CYP2A6: variants seen among roughly 807,000 people sequenced by gnomAD.
CYP2A6 encodes the protein cytochrome P450 2A6.
In CYP2A6, 27 loss-of-function variants were observed where a neutral mutation model predicts 42.3. That is an observed-to-expected ratio of 0.64 (90% CI 0.47 to 0.88). The LOEUF is 0.88. CYP2A6 is among the 40% of genes least tolerant of loss of function. The pLI is 0.00. For synonymous variants in CYP2A6, 238 were observed against 246.3 expected, an observed-to-expected ratio of 0.97 and a Z score of 0.31; for missense variants, 628 against 646.0, an observed-to-expected ratio of 0.97 and a Z score of 0.30.
intron 2 of CYP2A6, among the ~76,000 whole-genome samples, 178 bp downstream of exon 2, chr19:40,849,640 G>A (rs200286291): frequency 2.6e-5 from 4 of 151,382 alleles, no homozygotes; most frequent in African/African-American, 7.3e-5. Context: ...GGACAGGGAC[G>A]CTGGAGACAG....
At position 40,843,601 on chromosome 19, in the gene CYP2A6, C is replaced by T; in HGVS notation, c.*195G>A. 2.0e-6 allele frequency: 2 copies of T among 984,886 alleles called. No individual in the cohort carries two copies. The highest frequency in any genetic ancestry group is 2.9e-6 in the Non-Finnish European group (2 of 690,336). The allele number at this position is 984,886 out of a possible 1,614,324, so 61.0% of individuals were successfully genotyped here. A position where few individuals can be genotyped will look rare whatever the true frequency, so the allele number is the denominator to read the frequency against. On this transcript the variant is annotated 3_prime_UTR_variant, in exon 9 of 9. Coordinates refer to ENST00000301141, the MANE Select transcript of CYP2A6 (RefSeq NM_000762.6). ...ATAGCATAATGTAAGGGTTTCCTTC[C>T]TCTCATCCCAGCTCGGAAGCACCTT...
rs769939353 is a variant in CYP2A6 at position 40,845,941 on chromosome 19, C to G, written c.973+15G>C. 7 of 1,608,180 alleles carry G rather than the reference C, an allele frequency of 4.4e-6. No individual in the cohort carries two copies. The highest frequency in any genetic ancestry group is 5.9e-6 in the Non-Finnish European group (7 of 1,178,692). On this transcript the variant is annotated intron_variant, in intron 6 of 8. Coordinates refer to ENST00000301141, the MANE Select transcript of CYP2A6 (RefSeq NM_000762.6). ...GGGTCTGGGGCCCTCCACTTCCGTCCCCCTCCAGCCTTACCCTCCACCTCT... is the reference window on the plus strand; with the variant it reads ...GGGTCTGGGGCCCTCCACTTCCGTCGCCCTCCAGCCTTACCCTCCACCTCT...
intron 5 of CYP2A6, 112 bp from the exon 6 acceptor site, chr19:40,846,209 G>A (rs1270014352): frequency 1.4e-6 from 2 of 1,459,706 alleles, no homozygotes; most frequent in East Asian, 2.6e-5. Context: ...GTGGAAAGAG[G>A]GACCCTAGAT....
At chr19:40,846,253 C>G (rs1016561422) in intron 5 of CYP2A6, among the ~76,000 whole-genome samples, 156 bp from the exon 6 acceptor site, 2 of 151,620 alleles carry the variant, frequency 1.3e-5, no homozygotes, top group Admixed American at 1.3e-4. Context: ...AGCCCTTGCC[C>G]TGGCTGCTGG....
intron 2 of CYP2A6, among the ~76,000 whole-genome samples, chr19:40,849,045 G>GGAGAGAGAGAGAGAGAGA (rs1164660108): frequency 8.3e-5 from 2 of 24,238 alleles, no homozygotes; most frequent in Non-Finnish European, 1.4e-4. Context: ...AAGAGAGAGA[G>GGAGAGAGAGAGAGAGAGA]GAGAGAGAGA....
Position 40,847,773 on chromosome 19 carries a change from G to A in CYP2A6, c.654+446C>T, listed in dbSNP as rs1220869702. 2.6e-5 allele frequency among the ~76,000 whole-genome samples: 4 copies of A among 151,848 alleles called. No homozygotes were observed. In the East Asian group the frequency reaches 8.0e-4, roughly 30 times the overall value. ...GCCAGATATTCCAGTGGGCTAATCT[G>A]GGACATTTGTGTAGATGTGAAATGA... On this transcript the variant is annotated intron_variant, in intron 4 of 8. Transcript: ENST00000301141.
At position 40,848,759 on chromosome 19, in the gene CYP2A6, C is replaced by A. The variant is rs1296784901; in HGVS notation, c.348G>T (p.Val116=). 6.2e-7 allele frequency: 1 copy of A among 1,611,030 alleles called. No homozygotes were observed. The highest frequency in any genetic ancestry group is 8.5e-7 in the Non-Finnish European group (1 of 1,179,728). Residue 116 remains valine (V), a synonymous_variant, in exon 3 of 9, where the codon GTG becomes GTT. Transcript: ENST00000301141. The stretch of plus-strand genomic sequence containing the variant: ...TGGCGCGCTCCCCGTTGCTGAATAC[C>A]ACGCCTGGGGAGGTGAACGCGGGAA... ...TFDWVFKGYG[V]VFSNGERAKQ... is the part of the protein sequence containing the mutation.
At position 40,843,762 on chromosome 19, in the gene CYP2A6, C is replaced by T. The variant is rs1235904465; in HGVS notation, c.*34G>A. 1.3e-6 allele frequency: 2 copies of T among 1,535,574 alleles called. No homozygotes were observed. The highest frequency in any genetic ancestry group is 2.9e-5 in the East Asian group (1 of 34,614). ...TCTTGGCCCTGCCCTTTCCCTGGCC[C>T]CGCCCACCAGACCTGCACCGGCACA... On this transcript the variant is annotated 3_prime_UTR_variant, in exon 9 of 9. Coordinates refer to ENST00000301141, the MANE Select transcript of CYP2A6 (RefSeq NM_000762.6).
rs772772650 is a variant in CYP2A6, at chr19:40,848,635, C to T, written c.472G>A (p.Asp158Asn). ...RIQEEAGFLI[D>N]ALRGTGGANI... ...TCACCGCCAGTGCCCCGGAGGGCGT[C>T]GATGAGGAAGCCCGCCTCCTCCTGG... is the stretch of plus-strand genomic sequence containing the variant. The change falls in exon 3 of 9, where the codon GAC becomes AAC. Residue 158 changes from aspartate (D) to asparagine (N), a missense_variant. By Grantham distance (23) the Asp-to-Asn change is conservative. Transcript: ENST00000301141. The T allele has an allele frequency of 1.4e-5, 22 of 1,611,704 alleles. No homozygotes were observed. Among genetic ancestry groups the T allele is most frequent in the South Asian group, 8.8e-5 (8 of 90,920 alleles).
At chr19:40,847,933 G>A (rs55995653) in intron 4 of CYP2A6, among the ~76,000 whole-genome samples, 12 of 151,856 alleles carry the variant, frequency 7.9e-5, no homozygotes, top group East Asian at 2.0e-4. Context: ...GGTAAGTTGG[G>A]GATGGGAACA....
intron 2 of CYP2A6, among the ~76,000 whole-genome samples, chr19:40,849,024 G>GAGAGAGAC (rs1967166344): frequency 2.1e-5 from 1 of 46,838 alleles, no homozygotes; most frequent in African/African-American, 6.8e-5. Flanking sequence ...AGAGAGAGGA[G>GAGAGAGAC]AGAGAGAGAG....
chr19:40,849,045 G>GGAGAGAGAGAGAGAGA (rs1164660108), intron 2 of CYP2A6, among the ~76,000 whole-genome samples: 2 of 24,238 alleles, frequency 8.3e-5, no homozygotes, highest in Admixed American at 6.3e-4. Context: ...AAGAGAGAGA[G>GGAGAGAGAGAGAGAGA]GAGAGAGAGA....
rs112784824 is a variant in CYP2A6 at position 40,850,322 on chromosome 19, C to T, written c.105G>A (p.Pro35=). The T allele has an allele frequency of 5.7e-5, 92 of 1,609,906 alleles. 3 individuals are homozygous for T. Among genetic ancestry groups the T allele is most frequent in the African/African-American group, 1.7e-4 (13 of 74,510 alleles). ...QQRKSKGKLP[P]GPTPLPFIGN... The stretch of plus-strand genomic sequence containing the variant: ...CAATGAAGGGCAATGGGGTGGGTCC[C>T]GGAGGCAGCTTCCCCTTGCTCTTCC... Residue 35 remains proline (P), a synonymous_variant, in exon 1 of 9, where the codon CCG becomes CCA. Transcript: ENST00000301141.
intron 1 of CYP2A6, 124 bp downstream of exon 1, chr19:40,850,123 A>C (rs1353908917): frequency 9.8e-6 from 15 of 1,526,062 alleles, no homozygotes; most frequent in Non-Finnish European, 1.3e-5. Context: ...TGTCTTTCTG[A>C]TGCTGAAACT....
chr19:40,848,300 A>G lies in CYP2A6; in HGVS notation c.573T>C (p.Phe191=). 1 of 1,611,918 alleles carries G rather than the reference A, an allele frequency of 6.2e-7. No individual in the cohort carries two copies. The highest frequency in any genetic ancestry group is 8.5e-7 in the Non-Finnish European group (1 of 1,179,940). The stretch of plus-strand genomic sequence containing the variant: ...ACAGGAACTCTTTGTCCTTATAGTC[A>G]AAGCGGTCCCCAAAGACAATGGAGC... The part of the protein sequence containing the change: ...VISSIVFGDR[F]DYKDKEFLSL... The change falls in exon 4 of 9, where the codon TTT becomes TTC. Residue 191 remains phenylalanine (F), a synonymous_variant. Transcript: ENST00000301141.
Position 40,848,997 on chromosome 19 carries a change from A to AG in CYP2A6, c.344-235dup, listed in dbSNP as rs1173033893. Among the ~76,000 whole-genome samples, 185 of 114,482 alleles carry AG rather than the reference A, an allele frequency of 1.6e-3. 1 individual carries two copies. Among genetic ancestry groups the AG allele is most frequent in the African/African-American group, 6.8e-3 (174 of 25,676 alleles). 75.1% of individuals were successfully genotyped at this position (114,482 alleles called of 152,430 possible). A position where few individuals can be genotyped will look rare whatever the true frequency, so the allele number is the denominator to read the frequency against. On this transcript the variant is annotated intron_variant, in intron 2 of 8. Coordinates refer to ENST00000301141, the MANE Select transcript of CYP2A6 (RefSeq NM_000762.6). ...GAGAGAAGAGAGAGAGGAGAGAGAG[A>AG]GAGAGAGAGAGAGAAGAGAGAGAGG...
chr19:40,843,696 T>A lies in CYP2A6; in HGVS notation c.*100A>T. 7.8e-7 allele frequency: 1 copy of A among 1,280,274 alleles called. No homozygotes were observed. The highest frequency in any genetic ancestry group is 1.0e-6 in the Non-Finnish European group (1 of 961,190). The allele number at this position is 1,280,274 out of a possible 1,614,324, so 79.3% of individuals were successfully genotyped here. A position where few individuals can be genotyped will look rare whatever the true frequency, so the allele number is the denominator to read the frequency against. On this transcript the variant is annotated 3_prime_UTR_variant, in exon 9 of 9. Coordinates refer to ENST00000301141, the MANE Select transcript of CYP2A6 (RefSeq NM_000762.6). The stretch of plus-strand genomic sequence containing the variant: ...CCACCACGCCCCTTCCTTTCCGCCA[T>A]CCTGCCCCCAGTCTTAGCTGCGCCC...
intron 6 of CYP2A6, among the ~76,000 whole-genome samples, 177 bp from the exon 7 acceptor site, chr19:40,845,658 G>A (rs144437384): frequency 0.015 from 2,312 of 151,634 alleles, 115 homozygotes; most frequent in African/African-American, 0.053. Context: ...TGTTAACCAG[G>A]TTGTGCCAGA....
chr19:40,844,600 C>T (rs113368210), intron 8 of CYP2A6, 31 bp downstream of exon 8: 133 of 1,610,820 alleles, frequency 8.3e-5, no homozygotes, highest in Non-Finnish European at 1.1e-4. Context: ...TGGTGTGAGC[C>T]GTGGCCTGGC....
Sources: allele counts gnomAD v4.1 joint callset (sites outside exome capture counted in the v4.1 genomes callset), GRCh38; gene constraint gnomAD v4.1.1; transcripts MANE v1.5; gene names NCBI Gene and HGNC (gene_info 2026-07-23, HGNC 2026-07-21).